The following LRRTM4 variants were observed in gnomAD, a reference collection of about 807,000 sequenced individuals.
The protein encoded by LRRTM4 is leucine rich repeat transmembrane neuronal 4, also known as leucine-rich repeat transmembrane neuronal protein 4.
In LRRTM4, 25 loss-of-function variants were observed where a neutral mutation model predicts 47.6. The observed-to-expected ratio is 0.53, with a 90% confidence interval of 0.38 to 0.73. LRRTM4 has a LOEUF of 0.73. LRRTM4 is among the 30% of genes least tolerant of loss of function. The probability of loss-of-function intolerance (pLI) is 0.00; values close to 1 mark genes in which losing one functional copy is unlikely to be tolerated. For synonymous variants in LRRTM4, 311 were observed against 269.5 expected, an observed-to-expected ratio of 1.15 and a Z score of -1.51; for missense variants, 638 against 713.4, an observed-to-expected ratio of 0.89 and a Z score of 1.20.
intron 3 of LRRTM4, among the ~76,000 whole-genome samples, chr2:77,297,821 T>C (rs1359950128): frequency 6.6e-6 from 1 of 152,172 alleles, no homozygotes; most frequent in African/African-American, 2.4e-5. Context: ...ATTCATCAAT[T>C]TGAGCTTCTC....
chr2:77,094,260 C>T (rs1251925532), intron 3 of LRRTM4, among the ~76,000 whole-genome samples: 1 of 152,026 alleles, frequency 6.6e-6, no homozygotes, highest in Non-Finnish European at 1.5e-5. Context: ...AACTATAAAA[C>T]ACTGACAGAA....
rs146409868 is a variant in LRRTM4 at position 76,917,017 on chromosome 2, T to C, written c.1552-168101A>G. 3.0e-3 allele frequency among the ~76,000 whole-genome samples: 462 copies of C among 152,336 alleles called. 3 individuals carry two copies. Among genetic ancestry groups the C allele is most frequent in the African/African-American group, 0.01 (431 of 41,580 alleles). On this transcript the variant is annotated intron_variant, in intron 3 of 3. Coordinates refer to ENST00000409884, the MANE Select transcript of LRRTM4 (RefSeq NM_001134745.3). The stretch of plus-strand genomic sequence containing the variant: ...GTGTCCATATTATTTTCGGGGAGGA[T>C]GTGCCATTTTGTAGGTGCCCTTTGT...
intron 3 of LRRTM4, among the ~76,000 whole-genome samples, chr2:76,851,538 C>G (rs189938750): frequency 6.6e-6 from 1 of 151,822 alleles, no homozygotes; most frequent in African/African-American, 2.4e-5. Flanking sequence ...CTAGACCCAA[C>G]GAGAAGGAAG....
intron 3 of LRRTM4, among the ~76,000 whole-genome samples, chr2:76,842,650 A>C (rs1671717433): frequency 6.6e-6 from 1 of 152,214 alleles, no homozygotes; most frequent in South Asian, 2.1e-4. Flanking sequence ...TGAAAGTGAA[A>C]AACAGAATGG....
chr2:76,895,453 T>C (rs1430318899), intron 3 of LRRTM4, among the ~76,000 whole-genome samples: 2 of 152,194 alleles, frequency 1.3e-5, no homozygotes, highest in Non-Finnish European at 2.9e-5. Flanking sequence ...GCTTATATGA[T>C]ACATCAAGCT....
intron 3 of LRRTM4, among the ~76,000 whole-genome samples, chr2:76,975,716 ATT>A (rs917853147): frequency 2.0e-5 from 3 of 151,874 alleles, no homozygotes; most frequent in Admixed American, 2.0e-4. Flanking sequence ...CTATTGGACC[ATT>A]TTGGCAGAGT....
intron 3 of LRRTM4, among the ~76,000 whole-genome samples, chr2:77,019,894 G>A (rs944281776): frequency 6.6e-6 from 1 of 152,028 alleles, no homozygotes; most frequent in Non-Finnish European, 1.5e-5. Context: ...GTGGGTGAAG[G>A]TTGAAAGAAT....
At chr2:76,917,059 G>A (rs78720350) in intron 3 of LRRTM4, among the ~76,000 whole-genome samples, 1,584 of 152,212 alleles carry the variant, frequency 0.01, 32 homozygotes, top group African/African-American at 0.036. Context: ...ATCCTTTTTG[G>A]TGTAGACCAG....
chr2:77,051,717 C>T (rs1573503440), intron 3 of LRRTM4, among the ~76,000 whole-genome samples: 1 of 152,178 alleles, frequency 6.6e-6, no homozygotes, highest in Admixed American at 6.5e-5. Context: ...TTGTGTAGGG[C>T]TGTCATCTGT....
intron 3 of LRRTM4, among the ~76,000 whole-genome samples, chr2:77,159,438 G>T (rs560511195): frequency 2.6e-4 from 39 of 151,320 alleles, no homozygotes; most frequent in Non-Finnish European, 5.2e-4. Context: ...GAATTAATGG[G>T]TGCAGCACAC....
At position 76,803,496 on chromosome 2, in the gene LRRTM4, G is replaced by A. The variant is rs974412554; in HGVS notation, c.1552-54580C>T. On this transcript the variant is annotated intron_variant, in intron 3 of 3. Transcript: ENST00000409884. The stretch of plus-strand genomic sequence containing the variant: ...AAGCAAACCCTTGTACGCTGTTGAT[G>A]GGAATGTAAATCAGTATAGCCAATG... Among the ~76,000 whole-genome samples the A allele has an allele frequency of 2.0e-5, 3 of 152,112 alleles. No homozygotes were observed. The South Asian group carries it at 6.2e-4, about 31-fold the overall frequency.
At chr2:77,452,074 T>A (rs1676275197) in intron 3 of LRRTM4, among the ~76,000 whole-genome samples, 1 of 151,918 alleles carries the variant, frequency 6.6e-6, no homozygotes, top group Non-Finnish European at 1.5e-5. Flanking sequence ...TATAGACCAC[T>A]GAGAGGAGTT....
intron 3 of LRRTM4, among the ~76,000 whole-genome samples, chr2:77,159,453 A>G (rs1201999528): frequency 6.6e-6 from 1 of 151,864 alleles, no homozygotes; most frequent in Admixed American, 6.6e-5. Context: ...GCACACCAAC[A>G]TGGCACACAT....
intron 3 of LRRTM4, among the ~76,000 whole-genome samples, chr2:76,766,133 T>A (rs1673445449): frequency 6.6e-6 from 1 of 152,210 alleles, no homozygotes. Flanking sequence ...TACAGAAGCA[T>A]GATCATTTAT....
At chr2:76,818,704 T>C (rs933248921) in intron 3 of LRRTM4, among the ~76,000 whole-genome samples, 1 of 151,684 alleles carries the variant, frequency 6.6e-6, no homozygotes, top group Non-Finnish European at 1.5e-5. Flanking sequence ...AGTTCACTCA[T>C]ATATCACCCC....
At chr2:77,383,912 G>A (rs1002962476) in intron 3 of LRRTM4, among the ~76,000 whole-genome samples, 1 of 152,082 alleles carries the variant, frequency 6.6e-6, no homozygotes, top group Non-Finnish European at 1.5e-5. Flanking sequence ...GAATTCTGAT[G>A]CGAGCTCAGG....
intron 3 of LRRTM4, among the ~76,000 whole-genome samples, chr2:77,010,501 TAC>T (rs34456976): frequency 0.029 from 4,032 of 139,844 alleles, 94 homozygotes; most frequent in African/African-American, 0.061. Context: ...TTGTATTGTT[TAC>T]ACACACACAC....
intron 3 of LRRTM4, among the ~76,000 whole-genome samples, chr2:77,120,816 G>A (rs1057119644): frequency 6.6e-6 from 1 of 151,802 alleles, no homozygotes; most frequent in African/African-American, 2.4e-5. Flanking sequence ...CTTCACTGAT[G>A]CATGGTATTT....
intron 3 of LRRTM4, among the ~76,000 whole-genome samples, chr2:76,829,321 AAAAG>A (rs1240563386): frequency 2.0e-5 from 3 of 151,952 alleles, no homozygotes; most frequent in Non-Finnish European, 4.4e-5. Context: ...AAGTAGGAAA[AAAAG>A]GGGAGGAGAT....
Sources: gnomAD v4.1 joint callset for allele counts (sites outside exome capture counted in the v4.1 genomes callset) on GRCh38, gnomAD v4.1.1 for gene constraint, MANE v1.5 for transcripts, NCBI Gene and HGNC (gene_info 2026-07-23, HGNC 2026-07-21) for gene names.